Variants in RANBP17 observed in about 807,000 individuals in gnomAD.
RANBP17 encodes the protein RAN binding protein 17.
RANBP17 carries 158 observed loss-of-function variants against 141.2 expected under a neutral mutation model. The observed-to-expected ratio is 1.12, with a 90% confidence interval of 0.98 to 1.28. The LOEUF is 1.28. RANBP17 is among the 50% of genes most tolerant of loss of function. The pLI, the probability that RANBP17 is intolerant of heterozygous loss-of-function variation, is 0.00. For missense variants in RANBP17, 1,438 were observed against 1,290.7 expected (o/e 1.11, Z -1.75); for synonymous variants, 430 against 450.0 (o/e 0.96, Z 0.56).
intron 5 of RANBP17, among the ~76,000 whole-genome samples, chr5:170,907,745 A>G (rs1434113573): frequency 6.6e-6 from 1 of 152,068 alleles, no homozygotes; most frequent in Non-Finnish European, 1.5e-5. Flanking sequence ...AGAATACTTT[A>G]TAAATTGCAA....
chr5:171,137,200 T>C (rs1371332105), intron 14 of RANBP17, among the ~76,000 whole-genome samples: 1 of 152,228 alleles, frequency 6.6e-6, no homozygotes, highest in Non-Finnish European at 1.5e-5. Flanking sequence ...TTGTGTTCTA[T>C]TTCATTTCCA....
rs949673536 is a variant in RANBP17 at position 170,947,292 on chromosome 5, A to G, written c.1469-6305A>G. Reference sequence around the variant, plus strand: ...TAATGATTTCTTAATTCAGTAACCCATATCTGTTGATAATGTATAATATAC... The same window carrying G: ...TAATGATTTCTTAATTCAGTAACCCGTATCTGTTGATAATGTATAATATAC... On this transcript the variant is annotated intron_variant, in intron 12 of 27. Coordinates refer to ENST00000523189, the MANE Select transcript of RANBP17 (RefSeq NM_022897.5). Among the ~76,000 whole-genome samples the G allele has an allele frequency of 3.3e-5, 5 of 152,214 alleles. No homozygotes were observed. In the East Asian group the frequency reaches 5.8e-4, roughly 18 times the overall value.
At chr5:171,088,774 A>G (rs868567498) in intron 14 of RANBP17, among the ~76,000 whole-genome samples, 1 of 152,046 alleles carries the variant, frequency 6.6e-6, no homozygotes, top group Non-Finnish European at 1.5e-5. Context: ...AGGCTTCTGC[A>G]TTCTTCACGT....
At chr5:170,889,474 G>T (rs1009143195) in intron 3 of RANBP17, among the ~76,000 whole-genome samples, 1 of 152,028 alleles carries the variant, frequency 6.6e-6, no homozygotes, top group Non-Finnish European at 1.5e-5. Flanking sequence ...CAAAAAATCG[G>T]AATGAACCAC....
chr5:171,032,436 G>T (rs944424888), intron 14 of RANBP17, among the ~76,000 whole-genome samples: 2 of 152,090 alleles, frequency 1.3e-5, no homozygotes, highest in Admixed American at 1.3e-4. Context: ...AAAATCAATG[G>T]TTTTCTTTTC....
At chr5:170,938,680 T>C (rs1373876503) in intron 12 of RANBP17, among the ~76,000 whole-genome samples, 1 of 152,172 alleles carries the variant, frequency 6.6e-6, no homozygotes, top group Non-Finnish European at 1.5e-5. Flanking sequence ...ATCTAAAATT[T>C]CATGGATGTG....
At chr5:170,959,607 G>A (rs970506879) in intron 13 of RANBP17, among the ~76,000 whole-genome samples, 9 of 152,138 alleles carry the variant, frequency 5.9e-5, no homozygotes, top group Non-Finnish European at 1.0e-4. Flanking sequence ...TGTAACTTTA[G>A]ACTCCCCCCA....
At chr5:170,935,968 G>T (rs1391863158) in intron 12 of RANBP17, among the ~76,000 whole-genome samples, 1 of 152,200 alleles carries the variant, frequency 6.6e-6, no homozygotes, top group Non-Finnish European at 1.5e-5. Flanking sequence ...TGGCTGCTTT[G>T]CTTACCTACT....
At chr5:171,096,060 T>C (rs942547262) in intron 14 of RANBP17, among the ~76,000 whole-genome samples, 5 of 152,036 alleles carry the variant, frequency 3.3e-5, no homozygotes, top group African/African-American at 9.7e-5. Context: ...GGTCTTAGTG[T>C]CTCAGAGGTG....
intron 14 of RANBP17, among the ~76,000 whole-genome samples, chr5:170,969,076 C>T (rs573314527): frequency 1.3e-5 from 2 of 151,528 alleles, no homozygotes; most frequent in Non-Finnish European, 3.0e-5. Flanking sequence ...TTTGAAAATT[C>T]TAAAATAAAC....
At chr5:170,984,389 G>A (rs1777979121) in intron 14 of RANBP17, among the ~76,000 whole-genome samples, 1 of 152,172 alleles carries the variant, frequency 6.6e-6, no homozygotes, top group Non-Finnish European at 1.5e-5. Flanking sequence ...TGCTTTGGGA[G>A]ATAAGGCGGG....
At chr5:171,222,686 TG>T (rs1044212510) in intron 22 of RANBP17, among the ~76,000 whole-genome samples, 1 of 152,174 alleles carries the variant, frequency 6.6e-6, no homozygotes, top group African/African-American at 2.4e-5. Flanking sequence ...GACAGTGCAG[TG>T]GCACGATCTC....
chr5:170,964,948 T>G (rs1776434171), intron 13 of RANBP17, among the ~76,000 whole-genome samples: 1 of 152,168 alleles, frequency 6.6e-6, no homozygotes, highest in East Asian at 1.9e-4. Context: ...GTATTTCTAG[T>G]TCTAGATCCC....
At chr5:171,298,193 A>G (rs533140714) in intron 27 of RANBP17, among the ~76,000 whole-genome samples, 34 of 152,090 alleles carry the variant, frequency 2.2e-4, no homozygotes, top group African/African-American at 7.2e-4. Flanking sequence ...TGAGGTAACT[A>G]CTCATATTAG....
At chr5:171,010,111 G>A (rs568536303) in intron 14 of RANBP17, among the ~76,000 whole-genome samples, 143 of 152,268 alleles carry the variant, frequency 9.4e-4, no homozygotes, top group African/African-American at 3.3e-3. Context: ...AAATTTGTAT[G>A]CAGGTTTCCC....
intron 14 of RANBP17, among the ~76,000 whole-genome samples, chr5:171,162,008 C>A (rs1229996066): frequency 6.6e-6 from 1 of 152,160 alleles, no homozygotes; most frequent in Non-Finnish European, 1.5e-5. Context: ...TATAAACTTG[C>A]TATTGCAAAG....
At chr5:171,045,009 A>G (rs967206477) in intron 14 of RANBP17, among the ~76,000 whole-genome samples, 1 of 152,054 alleles carries the variant, frequency 6.6e-6, no homozygotes, top group Non-Finnish European at 1.5e-5. Context: ...TGAATTAGCT[A>G]ATTATACCAG....
chr5:171,152,653 G>T (rs774518118), intron 14 of RANBP17, among the ~76,000 whole-genome samples: 1 of 152,042 alleles, frequency 6.6e-6, no homozygotes, highest in Non-Finnish European at 1.5e-5. Flanking sequence ...CTGTCATGCT[G>T]ACTCCCATTT....
At chr5:170,902,471 T>C (rs1770723858) in intron 5 of RANBP17, among the ~76,000 whole-genome samples, 1 of 152,202 alleles carries the variant, frequency 6.6e-6, no homozygotes, top group Non-Finnish European at 1.5e-5. Flanking sequence ...TAGAACATGC[T>C]CCTTTAGCTC....
Sources: gnomAD v4.1 joint callset for allele counts (sites outside exome capture counted in the v4.1 genomes callset) on GRCh38, gnomAD v4.1.1 for gene constraint, MANE v1.5 for transcripts, NCBI Gene and HGNC (gene_info 2026-07-23, HGNC 2026-07-21) for gene names.